Variants in CT55 observed in about 807,000 individuals in gnomAD.
CT55 encodes BRCA2-interacting protein.
In CT55, 1 loss-of-function variant was observed where a neutral mutation model predicts 12.6. That is an observed-to-expected ratio of 0.08 (90% CI 0.03 to 0.38). The LOEUF (loss-of-function observed/expected upper bound fraction) is 0.38, where lower values mean the gene tolerates loss of function less well. Among genes scored for constraint, CT55 ranks in the 10% least tolerant of loss-of-function variants. The probability of loss-of-function intolerance (pLI) is 0.99; values close to 1 mark genes in which losing one functional copy is unlikely to be tolerated. For synonymous variants in CT55, 43 were observed against 49.7 expected (o/e 0.87, Z 0.57); for missense variants, 109 against 135.4 (o/e 0.80, Z 0.97).
intron 2 of CT55, 62 bp downstream of exon 2, chrX:135,169,532 A>C (rs2083601325): frequency 2.2e-6 from 2 of 924,810 alleles, no homozygotes; most frequent in Admixed American, 5.2e-5. Flanking sequence ...TCAAGAAAAG[A>C]AAGATGGAGA....
rs782010214 is a variant in CT55, at chrX:135,158,123, A to G, written c.537+76T>C. 1,445 of 603,281 alleles carry G rather than the reference A, an allele frequency of 2.4e-3. 3 individuals carry two copies. The highest frequency in any genetic ancestry group is 3.5e-3 in the Middle Eastern group (11 of 3,164). 49.7% of individuals were successfully genotyped at this position (603,281 alleles called of 1,213,427 possible). A position where few individuals can be genotyped will look rare whatever the true frequency, so the allele number is the denominator to read the frequency against. The stretch of plus-strand genomic sequence containing the variant: ...CTGGAATTCCCATTATACCCAACAG[A>G]ATCCTGGTCACGTAAATTATCACCA... On this transcript the variant is annotated intron_variant, in intron 4 of 5. Transcript: ENST00000276241.
rs111593484 is a variant in CT55, at chrX:135,164,100, G to A, written c.280-3545C>T. Among the ~76,000 whole-genome samples, 363 of 111,314 alleles carry A rather than the reference G, an allele frequency of 3.3e-3. 2 individuals carry two copies. Among genetic ancestry groups the A allele is most frequent in the African/African-American group, 0.011 (338 of 30,668 alleles). On this transcript the variant is annotated intron_variant, in intron 2 of 5. Coordinates refer to ENST00000276241, the MANE Select transcript of CT55 (RefSeq NM_001031705.3). ...AATGAGTAATGCAAAAACATCTGAA[G>A]GTATAAAACTCACCAGTAAAGGTAA...
At chrX:135,159,114 C>G (rs139573164) in intron 3 of CT55, among the ~76,000 whole-genome samples, 2,092 of 111,384 alleles carry the variant, frequency 0.019, 26 homozygotes, top group African/African-American at 0.035. Context: ...AGTAAATTGC[C>G]ACAATGAAAA....
At chrX:135,171,491 G>A (rs2083611259), upstream of CT55, 1 of 224,366 alleles carries the variant, frequency 4.5e-6, no homozygotes, top group Non-Finnish European at 8.0e-6. Flanking sequence ...ACTAAAAGGC[G>A]ATGGGTGGGA....
chrX:135,160,429 T>A lies in CT55; in HGVS notation c.406A>T (p.Ile136Leu). ...IYISNSIYFS[I>L]AIVSEDFVPY... is the part of the protein sequence containing the mutation. ...ATCATACCTTCAGAAACAATGGCTA[T>A]GGAAAAATAAATGCTGTTACTAATA... Residue 136 changes from isoleucine (I) to leucine (L), a missense_variant, in exon 3 of 6, where the codon ATA (isoleucine) becomes TTA (leucine). Coordinates refer to ENST00000276241, the MANE Select transcript of CT55 (RefSeq NM_001031705.3). 1 of 1,165,147 alleles carries A rather than the reference T, an allele frequency of 8.6e-7. No individual in the cohort carries two copies. Among genetic ancestry groups the A allele is most frequent in the Middle Eastern group, 2.5e-4 (1 of 3,963 alleles).
At chrX:135,167,234 A>T (rs1329766003) in intron 2 of CT55, among the ~76,000 whole-genome samples, 2 of 112,069 alleles carry the variant, frequency 1.8e-5, no homozygotes, top group African/African-American at 6.5e-5. Flanking sequence ...GCACAGTACC[A>T]GTATAAAAAC....
intron 2 of CT55, among the ~76,000 whole-genome samples, chrX:135,167,618 A>C: frequency 9.0e-6 from 1 of 110,865 alleles, no homozygotes; most frequent in South Asian, 3.9e-4. Context: ...CATTGAACTA[A>C]AAAGCTTCTG....
At chrX:135,171,508 T>G (rs1166936683), upstream of CT55, 5 of 188,408 alleles carry the variant, frequency 2.7e-5, no homozygotes, top group African/African-American at 1.5e-4. Context: ...GGGAACATCG[T>G]GGCTTCTCCC....
chrX:135,167,018 G>A (rs782620402), intron 2 of CT55, among the ~76,000 whole-genome samples: 1 of 111,932 alleles, frequency 8.9e-6, no homozygotes, highest in Non-Finnish European at 1.9e-5. Context: ...TAAAATGTCC[G>A]TAACCTAAAG....
chrX:135,169,047 T>C lies in CT55; in HGVS notation c.279+547A>G, dbSNP rs782206710. The stretch of plus-strand genomic sequence containing the variant: ...TGGGCAGATGGGCAGTCTCACCTCC[T>C]ATTGCTGAGAGAATCAATTAGTACA... On this transcript the variant is annotated intron_variant, in intron 2 of 5. Transcript: ENST00000276241. 6.2e-5 allele frequency among the ~76,000 whole-genome samples: 7 copies of C among 112,428 alleles called. No homozygotes were observed. In the Admixed American group the frequency reaches 6.6e-4, roughly 11 times the overall value.
chrX:135,159,330 A>T (rs2083552039), intron 3 of CT55, among the ~76,000 whole-genome samples: 2 of 110,624 alleles, frequency 1.8e-5, no homozygotes, highest in African/African-American at 6.6e-5. Context: ...AGTTCTAACC[A>T]ACCTCAGGGT....
At chrX:135,169,195 G>T (rs371572476) in intron 2 of CT55, among the ~76,000 whole-genome samples, 1 of 112,240 alleles carries the variant, frequency 8.9e-6, no homozygotes, top group South Asian at 3.7e-4. Flanking sequence ...AGAGTTTTGT[G>T]GTTGGTGAAT....
At chrX:135,163,629 A>C (rs1259455419) in intron 2 of CT55, among the ~76,000 whole-genome samples, 4 of 111,539 alleles carry the variant, frequency 3.6e-5, no homozygotes, top group Non-Finnish European at 7.5e-5. Flanking sequence ...AAAAAGAGGT[A>C]AAAAGATCAT....
rs868977325 is a variant in CT55 at position 135,166,055 on chromosome X, A to C, written c.279+3539T>G. 7.5e-3 allele frequency among the ~76,000 whole-genome samples: 776 copies of C among 104,106 alleles called. 11 individuals are homozygous for C. The highest frequency in any genetic ancestry group is 0.025 in the African/African-American group (723 of 28,610). The allele number at this position is 104,106 out of a possible 115,157, so 90.4% of individuals were successfully genotyped here. On this transcript the variant is annotated intron_variant, in intron 2 of 5. Coordinates refer to ENST00000276241, the MANE Select transcript of CT55 (RefSeq NM_001031705.3). ...CTATTCCAAAAAAAAAAAAAAAAAA[A>C]AAAAAAAAACGGACAAGAGACGAAC...
rs781840809 is a variant in CT55 at position 135,171,112 on chromosome X, C to A, written c.60G>T (p.Glu20Asp). The A allele has an allele frequency of 4.1e-6, 5 of 1,211,713 alleles. No homozygotes were observed. Among genetic ancestry groups the A allele is most frequent in the Non-Finnish European group, 5.6e-6 (5 of 895,462 alleles). Residue 20 changes from glutamate to aspartate, a missense_variant, in exon 1 of 6, where the codon GAG becomes GAT. Coordinates refer to ENST00000276241, the MANE Select transcript of CT55 (RefSeq NM_001031705.3). ...AFYGRTADPA[E>D]RQGPQQQGLP... ...GGCCCTGCTGCTGTGGGCCCTGTCG[C>A]TCTGCAGGGTCGGCCGTCCTCCCGT...
rs782221386 is a variant in CT55 at position 135,160,459 on chromosome X, T to C, written c.376A>G (p.Ile126Val). ...AAATAAATGCTGTTACTAATATAAA[T>C]ATTATCTTCATTTATAGAAGTAACA... is the stretch of plus-strand genomic sequence containing the variant. The part of the protein sequence containing the change: ...GCVTSINEDN[I>V]YISNSIYFSI... Residue 126 changes from isoleucine to valine, a missense_variant, in exon 3 of 6, where the codon ATT becomes GTT. By Grantham distance (29) the Ile-to-Val change is conservative. Transcript: ENST00000276241. The C allele has an allele frequency of 5.9e-6, 7 of 1,189,159 alleles. No homozygotes were observed. The East Asian group carries it at 2.1e-4, about 36-fold the overall frequency.
intron 2 of CT55, among the ~76,000 whole-genome samples, chrX:135,164,719 A>C (rs1231246036): frequency 8.9e-6 from 1 of 112,010 alleles, no homozygotes; most frequent in African/African-American, 3.2e-5. Context: ...CGTAAACTGA[A>C]AGTGAAGACA....
intron 1 of CT55, among the ~76,000 whole-genome samples, chrX:135,170,158 C>T (rs1392995785): frequency 1.8e-5 from 2 of 110,649 alleles, no homozygotes; most frequent in African/African-American, 6.6e-5. Flanking sequence ...AGGTGTGTAC[C>T]GTCACACCCA....
At chrX:135,160,256 G>C (rs12556113) in intron 3 of CT55, among the ~76,000 whole-genome samples, 155 bp downstream of exon 3, 31,399 of 110,205 alleles carry the variant, frequency 0.28, 4,383 homozygotes, top group Non-Finnish European at 0.43. Context: ...CTGTCTATTT[G>C]CCCCTATACT....
Sources: gnomAD v4.1 joint callset for allele counts (sites outside exome capture counted in the v4.1 genomes callset) on GRCh38, gnomAD v4.1.1 for gene constraint, MANE v1.5 for transcripts, NCBI Gene and HGNC (gene_info 2026-07-23, HGNC 2026-07-21) for gene names.